Variants in MINPP1 observed in about 807,000 individuals in gnomAD.
MINPP1 encodes multiple inositol polyphosphate phosphatase 1.
In MINPP1, 28 loss-of-function variants were observed where a neutral mutation model predicts 46.1. The observed-to-expected ratio is 0.61, with a 90% CI of 0.45 to 0.83. The LOEUF is 0.83. Ranked by LOEUF, MINPP1 falls within the 40% of genes least tolerant of loss-of-function variation. The pLI, the probability that MINPP1 is intolerant of heterozygous loss-of-function variation, is 0.00. For missense variants in MINPP1, 603 were observed against 610.0 expected, an observed-to-expected ratio of 0.99 and a Z score of 0.12; for synonymous variants, 268 against 249.1, an observed-to-expected ratio of 1.08 and a Z score of -0.72.
intron 4 of MINPP1, among the ~76,000 whole-genome samples, chr10:87,527,190 C>A (rs1419096187): frequency 5.3e-5 from 8 of 152,130 alleles, no homozygotes; most frequent in Non-Finnish European, 1.0e-4. Flanking sequence ...ATGGAATGTT[C>A]TTCCATTTGT....
intron 1 of MINPP1, chr10:87,508,076 T>A: frequency 6.8e-7 from 1 of 1,472,884 alleles, no homozygotes; most frequent in Non-Finnish European, 8.9e-7. Flanking sequence ...TGATGCAATT[T>A]CATTGCGTAG....
At chr10:87,507,811 A>C in intron 1 of MINPP1, 2 of 1,021,582 alleles carry the variant, frequency 2.0e-6, no homozygotes, top group Non-Finnish European at 2.3e-6. Context: ...ACAGTGAAGC[A>C]CAGGAGACCC....
At chr10:87,526,660 A>G (rs1056686029) in intron 4 of MINPP1, among the ~76,000 whole-genome samples, 1 of 152,152 alleles carries the variant, frequency 6.6e-6, no homozygotes, top group Admixed American at 6.5e-5. Context: ...GTTTTCTTCT[A>G]GGGTTTTTAT....
chr10:87,549,129 A>G (rs1851928237), intron 4 of MINPP1, among the ~76,000 whole-genome samples: 1 of 152,220 alleles, frequency 6.6e-6, no homozygotes, highest in African/African-American at 2.4e-5. Flanking sequence ...TGATTTTAAC[A>G]TATCACTGAC....
At chr10:87,507,823 A>C (rs919300970) in intron 1 of MINPP1, 1 of 1,026,478 alleles carries the variant, frequency 9.7e-7, no homozygotes, top group African/African-American at 1.7e-5. Flanking sequence ...AGGAGACCCA[A>C]AACATCAGTG....
intron 2 of MINPP1, 150 bp from the exon 3 acceptor site, chr10:87,512,974 A>G (rs1171588311): frequency 7.4e-6 from 5 of 673,968 alleles, no homozygotes; most frequent in Admixed American, 4.6e-5. Context: ...TAATTCTTTG[A>G]TAGCCAGGAA....
chr10:87,551,291 A>T (rs1851959424), intron 4 of MINPP1, among the ~76,000 whole-genome samples: 1 of 151,894 alleles, frequency 6.6e-6, no homozygotes, highest in African/African-American at 2.4e-5. Context: ...TGGTGGCAAA[A>T]AGTCAGACAG....
intron 4 of MINPP1, among the ~76,000 whole-genome samples, chr10:87,547,264 C>T (rs1448066596): frequency 2.0e-5 from 3 of 152,080 alleles, no homozygotes; most frequent in Non-Finnish European, 2.9e-5. Context: ...TCATGTGCCA[C>T]CACACCCAGC....
intron 4 of MINPP1, among the ~76,000 whole-genome samples, chr10:87,544,562 A>G (rs976382219): frequency 3.9e-5 from 6 of 152,176 alleles, no homozygotes; most frequent in African/African-American, 1.4e-4. Context: ...TCCTGAAGCT[A>G]TCAATCAACA....
At chr10:87,511,037 A>C (rs1208350964) in intron 2 of MINPP1, among the ~76,000 whole-genome samples, 2 of 152,208 alleles carry the variant, frequency 1.3e-5, no homozygotes, top group African/African-American at 2.4e-5. Context: ...ATTACTTCTG[A>C]AAGTGAACAT....
chr10:87,547,830 A>G (rs1044578699), intron 4 of MINPP1, among the ~76,000 whole-genome samples: 12 of 152,134 alleles, frequency 7.9e-5, no homozygotes, highest in Admixed American at 1.3e-4. Flanking sequence ...GCTGTTTGCT[A>G]TCACAGATTG....
chr10:87,542,565 G>T (rs1483491416), intron 4 of MINPP1, among the ~76,000 whole-genome samples: 1 of 152,138 alleles, frequency 6.6e-6, no homozygotes, highest in Admixed American at 6.6e-5. Flanking sequence ...CTCCCAAAGT[G>T]CTAGGATTAC....
chr10:87,533,636 T>C (rs960499728), intron 4 of MINPP1, among the ~76,000 whole-genome samples: 1 of 152,232 alleles, frequency 6.6e-6, no homozygotes, highest in Non-Finnish European at 1.5e-5. Context: ...CTCGAGATCT[T>C]CCATTTTAAG....
intron 3 of MINPP1, among the ~76,000 whole-genome samples, chr10:87,515,417 ACTT>A (rs1210943083): frequency 6.6e-6 from 1 of 152,084 alleles, no homozygotes; most frequent in African/African-American, 2.4e-5. Flanking sequence ...AAAAAAAAGA[ACTT>A]CTAATTTAAA....
chr10:87,522,161 A>AG (rs950494145), intron 4 of MINPP1, among the ~76,000 whole-genome samples: 1 of 152,224 alleles, frequency 6.6e-6, no homozygotes, highest in African/African-American at 2.4e-5. Context: ...GTAAAAAAAA[A>AG]CGGAATGAAA....
At chr10:87,508,236 G>A in intron 1 of MINPP1, 100 bp from the exon 2 acceptor site, 1 of 1,558,942 alleles carries the variant, frequency 6.4e-7, no homozygotes. Context: ...GGATTAGTAA[G>A]ATGTTAGTGT....
chr10:87,535,835 G>C (rs913213297), intron 4 of MINPP1, among the ~76,000 whole-genome samples: 15 of 152,092 alleles, frequency 9.9e-5, no homozygotes, highest in African/African-American at 3.6e-4. Flanking sequence ...AGGCTGAGGT[G>C]GGAGGATCAC....
In MINPP1 at chr10:87,526,880, G is replaced by T. The variant is rs562621172; in HGVS notation, c.1067+5711G>T. On this transcript the variant is annotated intron_variant, in intron 4 of 4. Transcript: ENST00000371996. ...TAGATGTGTGGTATTATTTCTGAGG[G>T]CTCTGTTCTGTTCCATTGGTCTATA... Among the ~76,000 whole-genome samples the T allele has an allele frequency of 7.2e-5, 11 of 152,118 alleles. No individual in the cohort carries two copies. The South Asian group carries it at 2.3e-3, about 32-fold the overall frequency.
At chr10:87,514,476 A>G (rs1043399822) in intron 3 of MINPP1, among the ~76,000 whole-genome samples, 1 of 152,088 alleles carries the variant, frequency 6.6e-6, no homozygotes, top group Non-Finnish European at 1.5e-5. Flanking sequence ...ATTTGGTTGC[A>G]TTTCTTTTAG....
Sources: allele counts gnomAD v4.1 joint callset (sites outside exome capture counted in the v4.1 genomes callset), GRCh38; gene constraint gnomAD v4.1.1; transcripts MANE v1.5; gene names NCBI Gene and HGNC (gene_info 2026-07-23, HGNC 2026-07-21).